The following TNKS2 variants were observed in gnomAD, a reference collection of about 807,000 sequenced individuals.
TNKS2 encodes the protein poly [ADP-ribose] polymerase tankyrase-2.
TNKS2 carries 72 observed loss-of-function variants against 137.6 expected under a neutral mutation model. The ratio of observed to expected loss-of-function variants is 0.52; its 90% CI spans 0.43 to 0.64. TNKS2 has a LOEUF of 0.64. TNKS2 is among the 30% of genes least tolerant of loss of function. The pLI is 0.00. For missense variants in TNKS2, 1,049 were observed against 1,410.2 expected, an observed-to-expected ratio of 0.74 and a Z score of 4.10; for synonymous variants, 516 against 512.1, an observed-to-expected ratio of 1.01 and a Z score of -0.10.
chr10:91,859,932 G>A (rs1248273812), intron 25 of TNKS2, among the ~76,000 whole-genome samples: 1 of 152,108 alleles, frequency 6.6e-6, no homozygotes, highest in Non-Finnish European at 1.5e-5. Context: ...CATGAAAGAG[G>A]CTTTATTGTA....
At chr10:91,844,121 A>G (rs10509639) in intron 16 of TNKS2, among the ~76,000 whole-genome samples, 16,496 of 152,244 alleles carry the variant, frequency 0.11, 989 homozygotes, top group East Asian at 0.19. Flanking sequence ...CCTATCTAGA[A>G]CACTTAACAT....
chr10:91,842,320 A>G lies in TNKS2; in HGVS notation c.1988A>G (p.Lys663Arg), dbSNP rs2133655374. The change falls in exon 16 of 27, where the codon AAG becomes AGG. Residue 663 changes from lysine to arginine, a missense_variant. Lys to Arg is a conservative substitution (Grantham distance 26). Coordinates refer to ENST00000371627, the MANE Select transcript of TNKS2 (RefSeq NM_025235.4). ...AKKGCLARVK[K>R]LSSPDNVNCR... Reference sequence around the variant, plus strand: ...AAGGGTTGTTTAGCCAGAGTGAAGAAGTTGTCTTCTCCTGATAATGTAAAT... The same window carrying G: ...AAGGGTTGTTTAGCCAGAGTGAAGAGGTTGTCTTCTCCTGATAATGTAAAT... 6.2e-7 allele frequency: 1 copy of G among 1,614,164 alleles called. No homozygotes were observed. Among genetic ancestry groups the G allele is most frequent in the Middle Eastern group, 1.6e-4 (1 of 6,062 alleles).
Position 91,864,916 on chromosome 10 carries a change from T to C in TNKS2, c.*1917T>C, listed in dbSNP as rs1406214618. 6.6e-6 allele frequency: 1 copy of C among 152,612 alleles called. No individual in the cohort carries two copies. The highest frequency in any genetic ancestry group is 1.5e-5 in the Non-Finnish European group (1 of 68,022). 9.5% of individuals were successfully genotyped at this position (152,612 alleles called of 1,614,324 possible). On this transcript the variant is annotated 3_prime_UTR_variant, in exon 27 of 27. Transcript: ENST00000371627. ...AATTGCTTTTCATGTGAAATCATTG[T>C]GGTCTATGAGTTTACAATACTGCAA...
chr10:91,804,761 G>C (rs889039170), intron 1 of TNKS2, among the ~76,000 whole-genome samples: 1 of 152,098 alleles, frequency 6.6e-6, no homozygotes, highest in African/African-American at 2.4e-5. Context: ...TTTTTTGGGG[G>C]TTGTGGGGGT....
chr10:91,846,356 T>A (rs1842370880), intron 18 of TNKS2, among the ~76,000 whole-genome samples: 1 of 152,210 alleles, frequency 6.6e-6, no homozygotes, highest in South Asian at 2.1e-4. Flanking sequence ...CTGCTGCCAG[T>A]AGAGATTCCT....
intron 1 of TNKS2, among the ~76,000 whole-genome samples, chr10:91,804,820 G>A (rs1844273885): frequency 6.6e-6 from 1 of 152,116 alleles, no homozygotes; most frequent in African/African-American, 2.4e-5. Flanking sequence ...GCAGTGGTGC[G>A]ATCTTGGCTC....
chr10:91,820,222 C>G (rs528746250), intron 6 of TNKS2, among the ~76,000 whole-genome samples, 189 bp downstream of exon 6: 62 of 152,304 alleles, frequency 4.1e-4, no homozygotes, highest in African/African-American at 1.4e-3. Context: ...AGAAGGTTTA[C>G]ATTACACTTC....
At chr10:91,820,115 T>C (rs866914088) in intron 6 of TNKS2, 82 bp downstream of exon 6, 9 of 921,182 alleles carry the variant, frequency 9.8e-6, no homozygotes, top group African/African-American at 1.7e-5. Flanking sequence ...AAAAATAATA[T>C]TTTTTACTAA....
chr10:91,854,888 AACT>A, intron 21 of TNKS2, 138 bp from the exon 22 acceptor site: 1 of 523,600 alleles, frequency 1.9e-6, no homozygotes. Flanking sequence ...ACAAGAGTGA[AACT>A]CTGTCTCAAA....
rs767882607 is a variant in TNKS2 at position 91,833,841 on chromosome 10, T to C, written c.1276-12T>C. ...ATTGCGGGCTAATTTCAATTTTTTC[T>C]GCTTTGTTAAGGTTAATGCTCTGGA... On this transcript the variant is annotated splice_polypyrimidine_tract_variant and intron_variant, in intron 11 of 26. Transcript: ENST00000371627. 8 of 1,556,284 alleles carry C rather than the reference T, an allele frequency of 5.1e-6. No homozygotes were observed. Among genetic ancestry groups the C allele is most frequent in the Non-Finnish European group, 6.9e-6 (8 of 1,153,770 alleles).
At chr10:91,848,359 T>A in intron 18 of TNKS2, 24 bp from the exon 19 acceptor site, 4 of 1,601,366 alleles carry the variant, frequency 2.5e-6, no homozygotes, top group Non-Finnish European at 3.4e-6. Context: ...TTATGGCAGA[T>A]GTTGTCTCTG....
chr10:91,806,586 AG>A (rs1225441041), intron 1 of TNKS2, among the ~76,000 whole-genome samples: 4 of 152,010 alleles, frequency 2.6e-5, no homozygotes, highest in Non-Finnish European at 4.4e-5. Flanking sequence ...TTATATTAAC[AG>A]GTACTTTAAA....
Position 91,848,422 on chromosome 10 carries a change from C to T in TNKS2, c.2398C>T (p.Pro800Ser). The change falls in exon 19 of 27, where the codon CCA (proline) becomes TCA (serine). Residue 800 changes from proline (P) to serine (S), a missense_variant. Coordinates refer to ENST00000371627, the MANE Select transcript of TNKS2 (RefSeq NM_025235.4). ...CGCTCTTCTGACAGCAGCCATGCCC[C>T]CATCTGCTCTGCCCTCTTGTTACAA... ...VSALLTAAMP[P>S]SALPSCYKPQ... 6.2e-7 allele frequency: 1 copy of T among 1,614,174 alleles called. No individual in the cohort carries two copies. The highest frequency in any genetic ancestry group is 2.2e-5 in the East Asian group (1 of 44,876).
intron 26 of TNKS2, 152 bp from the exon 27 acceptor site, chr10:91,862,785 G>A: frequency 1.7e-6 from 1 of 573,382 alleles, no homozygotes; most frequent in East Asian, 2.9e-5. Flanking sequence ...TGTACTCAGG[G>A]TAAAGATGTT....
Position 91,862,929 on chromosome 10 carries a change from T to C in TNKS2, c.3439-8T>C. 6.3e-7 allele frequency: 1 copy of C among 1,596,052 alleles called. No individual in the cohort carries two copies. The highest frequency in any genetic ancestry group is 8.6e-7 in the Non-Finnish European group (1 of 1,168,468). ...GTACCATTATTTGAATTTATCTTTC[T>C]CTTCCAGGCTTATCCTGAGTATTTA... On this transcript the variant is annotated splice_polypyrimidine_tract_variant and splice_region_variant and intron_variant, in intron 26 of 26. Coordinates refer to ENST00000371627, the MANE Select transcript of TNKS2 (RefSeq NM_025235.4).
At chr10:91,830,505 A>G (rs1006772998) in intron 9 of TNKS2, among the ~76,000 whole-genome samples, 1 of 152,236 alleles carries the variant, frequency 6.6e-6, no homozygotes, top group African/African-American at 2.4e-5. Flanking sequence ...GGCCTGAGCC[A>G]CTGTGCCCGG....
intron 1 of TNKS2, 59 bp downstream of exon 1, chr10:91,798,948 C>T (rs1844063196): frequency 2.3e-6 from 3 of 1,309,746 alleles, no homozygotes; most frequent in Admixed American, 7.8e-5. Flanking sequence ...AGCCGGGGCC[C>T]ACAGGTCTGA....
rs1449232647 is a variant in TNKS2 at position 91,840,610 on chromosome 10, A to G, written c.1577A>G (p.Gln526Arg). ...SVNCRDIEGR[Q>R]STPLHFAAGY... ...AACTGCAGAGACATTGAAGGGCGTCAGTCTACACCACTTCATTTTGCAGCT... is the reference window on the plus strand; with the variant it reads ...AACTGCAGAGACATTGAAGGGCGTCGGTCTACACCACTTCATTTTGCAGCT... Residue 526 changes from glutamine (Q) to arginine (R), a missense_variant, in exon 14 of 27, where the codon CAG becomes CGG. Gln to Arg is a conservative substitution (Grantham distance 43, BLOSUM62 1). Around this residue, in one of 6 missense-constraint regions of TNKS2, gnomAD observed 328 missense variants for 436.0 expected, o/e 0.75. Coordinates refer to ENST00000371627, the MANE Select transcript of TNKS2 (RefSeq NM_025235.4). The G allele has an allele frequency of 2.5e-6, 4 of 1,614,054 alleles. No individual in the cohort carries two copies. The highest frequency in any genetic ancestry group is 2.2e-5 in the South Asian group (2 of 91,058).
intron 1 of TNKS2, among the ~76,000 whole-genome samples, chr10:91,799,212 A>G (rs1436764591): frequency 1.3e-5 from 2 of 152,168 alleles, no homozygotes; most frequent in Non-Finnish European, 2.9e-5. Flanking sequence ...GCCTCTACAC[A>G]CAAGAAAGAG....
Sources: gnomAD v4.1 joint callset for allele counts (sites outside exome capture counted in the v4.1 genomes callset) on GRCh38, gnomAD v4.1.1 for gene constraint, gnomAD v4.1.1 regional missense constraint, MANE v1.5 for transcripts, NCBI Gene and HGNC (gene_info 2026-07-23, HGNC 2026-07-21) for gene names.